Variants in PLPP3 observed in about 807,000 individuals in gnomAD.
PLPP3 encodes phospholipid phosphatase 3, also known as PAP2 beta.
PLPP3 carries 6 observed loss-of-function variants against 29.6 expected under a neutral mutation model. The ratio of observed to expected loss-of-function variants is 0.20; its 90% CI spans 0.11 to 0.40. The LOEUF (loss-of-function observed/expected upper bound fraction) is 0.40. Among genes scored for constraint, PLPP3 ranks in the 10% least tolerant of loss-of-function variants. PLPP3 has a pLI of 1.00. For missense variants in PLPP3, 308 were observed against 407.7 expected (o/e 0.76, Z 2.11); for synonymous variants, 152 against 159.7 (o/e 0.95, Z 0.36).
At chr1:56,528,158 T>C (rs1335559341) in intron 2 of PLPP3, among the ~76,000 whole-genome samples, 1 of 152,084 alleles carries the variant, frequency 6.6e-6, no homozygotes, top group African/African-American at 2.4e-5. Context: ...AGCAGAGAAT[T>C]CTCCCCTACC....
intron 5 of PLPP3, among the ~76,000 whole-genome samples, chr1:56,511,716 A>G (rs1645742165): frequency 6.6e-6 from 1 of 151,998 alleles, no homozygotes; most frequent in Non-Finnish European, 1.5e-5. Flanking sequence ...CAATTGCAAC[A>G]TTCTACGAGC....
chr1:56,532,268 A>C (rs1645894740), intron 2 of PLPP3, among the ~76,000 whole-genome samples: 1 of 152,180 alleles, frequency 6.6e-6, no homozygotes, highest in African/African-American at 2.4e-5. Flanking sequence ...CAGTTGAAGG[A>C]TTAATGTGGC....
intron 5 of PLPP3, among the ~76,000 whole-genome samples, chr1:56,498,639 T>C (rs1645645297): frequency 8.8e-6 from 1 of 113,486 alleles, no homozygotes; most frequent in South Asian, 2.6e-4. Flanking sequence ...CACTACTTTC[T>C]TTTTTTTTTT....
At chr1:56,556,572 T>C (rs915786497) in intron 1 of PLPP3, among the ~76,000 whole-genome samples, 9 of 152,078 alleles carry the variant, frequency 5.9e-5, no homozygotes, top group Admixed American at 5.9e-4. Flanking sequence ...GCATCAATAA[T>C]GATAAATTAA....
chr1:56,572,343 C>G (rs1646205601), intron 1 of PLPP3, among the ~76,000 whole-genome samples: 2 of 152,154 alleles, frequency 1.3e-5, no homozygotes, highest in Non-Finnish European at 2.9e-5. Flanking sequence ...AGCCACCACG[C>G]CTGGCCTTGC....
At chr1:56,536,182 G>T (rs746319478) in intron 2 of PLPP3, among the ~76,000 whole-genome samples, 1 of 152,122 alleles carries the variant, frequency 6.6e-6, no homozygotes, top group East Asian at 1.9e-4. Context: ...AAAAACACCT[G>T]TTCAAACCTC....
intron 1 of PLPP3, among the ~76,000 whole-genome samples, chr1:56,545,556 A>G (rs1237441154): frequency 6.6e-6 from 1 of 152,180 alleles, no homozygotes; most frequent in Non-Finnish European, 1.5e-5. Context: ...TGGGGCTTTG[A>G]CAGTGGTTAG....
chr1:56,567,706 G>C (rs1348201856), intron 1 of PLPP3, among the ~76,000 whole-genome samples: 1 of 152,030 alleles, frequency 6.6e-6, no homozygotes, highest in African/African-American at 2.4e-5. Context: ...CCAATCTTAA[G>C]GTATTTCTAA....
intron 1 of PLPP3, among the ~76,000 whole-genome samples, chr1:56,557,736 G>A (rs985356167): frequency 2.0e-5 from 3 of 152,166 alleles, no homozygotes; most frequent in African/African-American, 7.2e-5. Context: ...ACATGCTGGT[G>A]AAGCTGACAG....
chr1:56,518,861 T>C (rs2100241768), intron 4 of PLPP3, among the ~76,000 whole-genome samples: 1 of 152,076 alleles, frequency 6.6e-6, no homozygotes, highest in Non-Finnish European at 1.5e-5. Flanking sequence ...GAATTTATAA[T>C]TTAGTTGGAA....
At chr1:56,558,122 T>G (rs926245580) in intron 1 of PLPP3, among the ~76,000 whole-genome samples, 1 of 152,198 alleles carries the variant, frequency 6.6e-6, no homozygotes, top group African/African-American at 2.4e-5. Flanking sequence ...AGAGGGAGTA[T>G]TATTTTAAGA....
At chr1:56,522,805 T>C (rs1777276) in intron 4 of PLPP3, among the ~76,000 whole-genome samples, 30,016 of 152,238 alleles carry the variant, frequency 0.2, 3,160 homozygotes, top group Middle Eastern at 0.26. Context: ...TCTGACCTCT[T>C]AGCACCTTCT....
At chr1:56,553,160 A>C (rs1000710510) in intron 1 of PLPP3, among the ~76,000 whole-genome samples, 3 of 152,192 alleles carry the variant, frequency 2.0e-5, no homozygotes, top group African/African-American at 7.2e-5. Context: ...AATAACCTCT[A>C]ATCAGTCCTA....
chr1:56,547,079 T>C (rs1158854984), intron 1 of PLPP3, among the ~76,000 whole-genome samples: 1 of 152,184 alleles, frequency 6.6e-6, no homozygotes, highest in Non-Finnish European at 1.5e-5. Context: ...AACAGTAATA[T>C]CCTGATGAAA....
intron 1 of PLPP3, among the ~76,000 whole-genome samples, chr1:56,575,132 A>G (rs778942598): frequency 3.3e-5 from 5 of 152,300 alleles, no homozygotes; most frequent in Non-Finnish European, 7.3e-5. Flanking sequence ...TCTACTAGAA[A>G]TCGGTCACCG....
In PLPP3 at chr1:56,523,895, G is replaced by A; in HGVS notation, c.576-15C>T. On this transcript the variant is annotated splice_polypyrimidine_tract_variant and intron_variant, in intron 3 of 5. Coordinates refer to ENST00000371250, the MANE Select transcript of PLPP3 (RefSeq NM_003713.5). The stretch of plus-strand genomic sequence containing the variant: ...AGAAGGACTTCCTGCAAGAGCAAGA[G>A]AGGGCCATGAAAGGGCCGTATTCAC... 1.2e-6 allele frequency: 2 copies of A among 1,613,018 alleles called. No individual in the cohort carries two copies.
At chr1:56,545,475 C>A (rs2100275907) in intron 1 of PLPP3, among the ~76,000 whole-genome samples, 1 of 152,300 alleles carries the variant, frequency 6.6e-6, no homozygotes, top group East Asian at 1.9e-4. Flanking sequence ...CATACGCAAT[C>A]TAATCTGCAG....
chr1:56,551,310 G>A (rs1361490323), intron 1 of PLPP3, among the ~76,000 whole-genome samples: 2 of 150,530 alleles, frequency 1.3e-5, no homozygotes, highest in African/African-American at 4.9e-5. Flanking sequence ...GGTTCGGTTC[G>A]GTTCGGTTCG....
chr1:56,547,156 C>T (rs1646011346), intron 1 of PLPP3, among the ~76,000 whole-genome samples: 1 of 152,088 alleles, frequency 6.6e-6, no homozygotes, highest in South Asian at 2.1e-4. Context: ...TTGAGGGCCC[C>T]CTCTGTCTAA....
Sources: gnomAD v4.1 joint callset for allele counts (sites outside exome capture counted in the v4.1 genomes callset) on GRCh38, gnomAD v4.1.1 for gene constraint, MANE v1.5 for transcripts, NCBI Gene and HGNC (gene_info 2026-07-23, HGNC 2026-07-21) for gene names.